Variants in CXXC4 observed in about 807,000 individuals in gnomAD.
The protein encoded by CXXC4 is CXXC finger protein 4.
Under a neutral mutation model 20.5 loss-of-function variants are expected in CXXC4, and 5 were observed. That is an observed-to-expected ratio of 0.24 (90% CI 0.13 to 0.51). The LOEUF is 0.51. CXXC4 is among the 20% of genes least tolerant of loss of function. The pLI, the probability that CXXC4 is intolerant of heterozygous loss-of-function variation, is 0.97. For synonymous variants in CXXC4, 250 were observed against 216.4 expected, an observed-to-expected ratio of 1.16 and a Z score of -1.36; for missense variants, 419 against 496.4, an observed-to-expected ratio of 0.84 and a Z score of 1.48.
intron 2 of CXXC4, among the ~76,000 whole-genome samples, chr4:104,485,184 T>A (rs1000285912): frequency 6.6e-6 from 1 of 152,102 alleles, no homozygotes; most frequent in African/African-American, 2.4e-5. Flanking sequence ...GATCAGTGAC[T>A]AAAAGTCACA....
Position 104,468,637 on chromosome 4 carries a change from T to C in CXXC4, c.*3685A>G. 6.6e-6 allele frequency: 1 copy of C among 151,648 alleles called. No individual in the cohort carries two copies. The highest frequency in any genetic ancestry group is 6.6e-5 in the Admixed American group (1 of 15,166). The allele number at this position is 151,648 out of a possible 1,614,324, so 9.4% of individuals were successfully genotyped here. On this transcript the variant is annotated 3_prime_UTR_variant, in exon 3 of 3. Coordinates refer to ENST00000394767, the MANE Select transcript of CXXC4 (RefSeq NM_025212.4). ...GCAATTGTGAAAATGGAATCCCTCC[T>C]AATATAGTAGCTGTCTTTTATTCAC...
chr4:104,482,486 C>A (rs1736580991), intron 2 of CXXC4, among the ~76,000 whole-genome samples: 1 of 152,098 alleles, frequency 6.6e-6, no homozygotes, highest in South Asian at 2.1e-4. Flanking sequence ...TTCTTATACA[C>A]CTACATATGA....
intron 1 of CXXC4, among the ~76,000 whole-genome samples, chr4:104,493,906 G>A (rs1201253558): frequency 6.6e-6 from 1 of 152,198 alleles, no homozygotes; most frequent in Non-Finnish European, 1.5e-5. Flanking sequence ...ACATTGAGTG[G>A]AGGGAAAATT....
rs1483516970 is a variant in CXXC4, at chr4:104,468,949, G to T, written c.*3373C>A. 6.6e-6 allele frequency: 1 copy of T among 152,010 alleles called. No homozygotes were observed. Among genetic ancestry groups the T allele is most frequent in the Non-Finnish European group, 1.5e-5 (1 of 67,978 alleles). The allele number at this position is 152,010 out of a possible 1,614,324, so 9.4% of individuals were successfully genotyped here. On this transcript the variant is annotated 3_prime_UTR_variant, in exon 3 of 3. Transcript: ENST00000394767. Reference sequence around the variant, plus strand: ...TCAGGGTTTCTGATTGAAAGGAAGAGAATATTCCTTTCTTTTAGTGATTGC... The same window carrying T: ...TCAGGGTTTCTGATTGAAAGGAAGATAATATTCCTTTCTTTTAGTGATTGC...
rs1736298402 is a variant in CXXC4, at chr4:104,472,357, C to G, written c.1069G>C (p.Val357Leu). The change falls in exon 3 of 3, where the codon GTT (valine) becomes CTT (leucine). Residue 357 changes from valine to leucine, a missense_variant. Physicochemically the swap from Val to Leu is conservative, Grantham distance 32. Transcript: ENST00000394767. ...CATCGGAATGCTTCAGCGCTGGGAACAGGTGTTCTCTATAAAAAAAGAGCA... is the reference window on the plus strand; with the variant it reads ...CATCGGAATGCTTCAGCGCTGGGAAGAGGTGTTCTCTATAAAAAAAGAGCA... ...KPGTSLERTP[V>L]PSAEAFRWFF 6.2e-7 allele frequency: 1 copy of G among 1,601,594 alleles called. No homozygotes were observed. The highest frequency in any genetic ancestry group is 8.5e-7 in the Non-Finnish European group (1 of 1,173,282).
At chr4:104,472,715 G>T (rs1736306122) in intron 2 of CXXC4, among the ~76,000 whole-genome samples, 1 of 151,920 alleles carries the variant, frequency 6.6e-6, no homozygotes, top group Non-Finnish European at 1.5e-5. Flanking sequence ...ATCTATATCT[G>T]CCTTGCAGAA....
intron 2 of CXXC4, among the ~76,000 whole-genome samples, chr4:104,484,388 T>A (rs1736632847): frequency 6.6e-6 from 1 of 152,012 alleles, no homozygotes; most frequent in African/African-American, 2.4e-5. Flanking sequence ...CACATATAAT[T>A]TTAAATGAAA....
chr4:104,480,478 C>T (rs751648377), intron 2 of CXXC4, among the ~76,000 whole-genome samples: 3 of 152,096 alleles, frequency 2.0e-5, no homozygotes, highest in Non-Finnish European at 2.9e-5. Context: ...TCATTAGTTT[C>T]GAGCATTGGT....
At chr4:104,476,911 T>C (rs10018248) in intron 2 of CXXC4, among the ~76,000 whole-genome samples, 75,335 of 151,994 alleles carry the variant, frequency 0.5, 21,422 homozygotes, top group Middle Eastern at 0.64. Flanking sequence ...CATGCTTTCT[T>C]CCCAACCAAA....
intron 2 of CXXC4, 33 bp from the exon 3 acceptor site, chr4:104,472,399 T>C: frequency 6.6e-7 from 1 of 1,523,568 alleles, no homozygotes; most frequent in Non-Finnish European, 9.0e-7. Context: ...CAAGTTAAGC[T>C]TTCTTTCTAT....
chr4:104,475,783 C>T (rs1347526596), intron 2 of CXXC4, among the ~76,000 whole-genome samples: 1 of 152,088 alleles, frequency 6.6e-6, no homozygotes, highest in African/African-American at 2.4e-5. Context: ...CTCAGTGATG[C>T]TTGCAGGGGA....
At chr4:104,485,673 T>C (rs1230051088) in intron 2 of CXXC4, among the ~76,000 whole-genome samples, 1 of 152,122 alleles carries the variant, frequency 6.6e-6, no homozygotes, top group Non-Finnish European at 1.5e-5. Flanking sequence ...ATTCAGAATA[T>C]TCCAACAATG....
At chr4:104,488,810 A>C (rs1736761867) in intron 2 of CXXC4, among the ~76,000 whole-genome samples, 1 of 152,176 alleles carries the variant, frequency 6.6e-6, no homozygotes, top group African/African-American at 2.4e-5. Flanking sequence ...CTCATATCAA[A>C]CCCCTGCAGG....
chr4:104,479,739 CTT>C (rs993848792), intron 2 of CXXC4, among the ~76,000 whole-genome samples: 11 of 146,432 alleles, frequency 7.5e-5, no homozygotes, highest in South Asian at 2.2e-4. Flanking sequence ...CTCCCTCCTT[CTT>C]TCTTTTTCCC....
At chr4:104,493,051 G>A (rs570934900) in intron 1 of CXXC4, among the ~76,000 whole-genome samples, 1 of 150,568 alleles carries the variant, frequency 6.6e-6, no homozygotes, top group South Asian at 2.1e-4. Flanking sequence ...GAGTAAAAGG[G>A]GGGGGGGCTT....
chr4:104,477,137 T>C (rs1736429225), intron 2 of CXXC4, among the ~76,000 whole-genome samples: 1 of 152,144 alleles, frequency 6.6e-6, no homozygotes, highest in South Asian at 2.1e-4. Flanking sequence ...AGAAAGTAAG[T>C]GAATAAATAT....
chr4:104,482,221 T>C (rs931983896), intron 2 of CXXC4, among the ~76,000 whole-genome samples: 3 of 152,186 alleles, frequency 2.0e-5, no homozygotes, highest in Non-Finnish European at 1.5e-5. Context: ...CACCAACATA[T>C]TGTCACCTGC....
chr4:104,491,302 C>CCTGCTG lies in CXXC4; in HGVS notation c.495_500dup (p.Ser166_Arg167insSerSer), dbSNP rs749891634. 4 of 1,585,466 alleles carry CCTGCTG rather than the reference C, an allele frequency of 2.5e-6. No individual in the cohort carries two copies. Among genetic ancestry groups the CCTGCTG allele is most frequent in the Non-Finnish European group, 3.4e-6 (4 of 1,167,968 alleles). On this transcript the variant is annotated inframe_insertion, in exon 2 of 3. Transcript: ENST00000394767. The stretch of plus-strand genomic sequence containing the variant: ...AGTCGTTTCGGTGGTGCATGCTGGT[C>CCTGCTG]CTGCTGCCGCCGCCGCCGCCGCCGC...
chr4:104,486,402 A>G (rs1389457396), intron 2 of CXXC4, among the ~76,000 whole-genome samples: 1 of 152,078 alleles, frequency 6.6e-6, no homozygotes, highest in African/African-American at 2.4e-5. Flanking sequence ...TTGTGGCTTT[A>G]GTCAAAGATA....
Sources: allele counts gnomAD v4.1 joint callset (sites outside exome capture counted in the v4.1 genomes callset), GRCh38; gene constraint gnomAD v4.1.1; transcripts MANE v1.5; gene names NCBI Gene and HGNC (gene_info 2026-07-23, HGNC 2026-07-21).